TOGARAM2: variants seen among roughly 807,000 people sequenced by gnomAD.
TOGARAM2 encodes the protein TOG array regulator of axonemal microtubules protein 2.
Under a neutral mutation model 93.3 loss-of-function variants are expected in TOGARAM2, and 85 were observed. The observed-to-expected ratio is 0.91, with a 90% CI of 0.76 to 1.09. The LOEUF (loss-of-function observed/expected upper bound fraction) is 1.09, where lower values mean the gene tolerates loss of function less well. Among genes scored for constraint, TOGARAM2 ranks in the 50% least tolerant of loss-of-function variants. The pLI is 0.00. For synonymous variants in TOGARAM2, 593 were observed against 552.8 expected (o/e 1.07, Z -1.02); for missense variants, 1,277 against 1,334.5 (o/e 0.96, Z 0.67).
In TOGARAM2 at chr2:29,022,184, T is replaced by C. The variant is rs562726147; in HGVS notation, c.1387T>C (p.Leu463=). The change falls in exon 11 of 20, where the codon TTG becomes CTG. Residue 463 remains leucine, a synonymous_variant. Transcript: ENST00000379558. The part of the protein sequence containing the change: ...SANSLPAVLT[L]GSPEWEEEEE... ...TAACTCATTACCTGCGGTGCTCACGTTGGGGTCTCCTGAATGGGAAGAAGA... is the reference window on the plus strand; with the variant it reads ...TAACTCATTACCTGCGGTGCTCACGCTGGGGTCTCCTGAATGGGAAGAAGA... 2.4e-4 allele frequency: 387 copies of C among 1,613,864 alleles called. No homozygotes were observed. Among genetic ancestry groups the C allele is most frequent in the Non-Finnish European group, 3.0e-4 (357 of 1,179,880 alleles).
chr2:29,036,496 C>T, intron 17 of TOGARAM2, 45 bp from the exon 18 acceptor site: 3 of 1,603,944 alleles, frequency 1.9e-6, no homozygotes. Flanking sequence ...GGAGTCCTGC[C>T]CAGCCTGGGT....
intron 3 of TOGARAM2, 145 bp from the exon 4 acceptor site, chr2:28,999,036 C>G (rs1673140049): frequency 2.4e-6 from 2 of 826,858 alleles, no homozygotes; most frequent in Non-Finnish European, 1.8e-6. Flanking sequence ...TGACTCGTCC[C>G]CAGGAGTGAC....
Position 29,037,921 on chromosome 2 carries a change from T to C in TOGARAM2, c.2635+1164T>C, listed in dbSNP as rs566474000. Among the ~76,000 whole-genome samples the C allele has an allele frequency of 4.6e-5, 7 of 152,302 alleles. No homozygotes were observed. The East Asian group carries it at 1.2e-3, about 25-fold the overall frequency. On this transcript the variant is annotated intron_variant, in intron 18 of 19. Transcript: ENST00000379558. Reference sequence around the variant, plus strand: ...GCCTTGGATTTATTGGGAAAACCTGTACCAAGCAAAATAGGCTTTAGCTAT... The same window carrying C: ...GCCTTGGATTTATTGGGAAAACCTGCACCAAGCAAAATAGGCTTTAGCTAT...
intron 1 of TOGARAM2, among the ~76,000 whole-genome samples, chr2:28,991,080 C>T (rs1672713121): frequency 2.7e-5 from 4 of 150,128 alleles, no homozygotes; most frequent in Middle Eastern, 7.0e-3. Flanking sequence ...TCACACCTGA[C>T]ATTATTGAGC....
chr2:29,000,752 C>A (rs1000366553), intron 4 of TOGARAM2, among the ~76,000 whole-genome samples: 6 of 152,130 alleles, frequency 3.9e-5, no homozygotes, highest in African/African-American at 1.4e-4. Context: ...CGTGGGGTGT[C>A]TCCAGCTCCC....
At chr2:29,032,889 C>T in intron 14 of TOGARAM2, 45 bp from the exon 15 acceptor site, 1 of 1,514,900 alleles carries the variant, frequency 6.6e-7, no homozygotes, top group Non-Finnish European at 9.1e-7. Context: ...ATTTATTTTG[C>T]ATTTCAGAGG....
At chr2:28,968,563 T>C (rs1032308721) in intron 1 of TOGARAM2, among the ~76,000 whole-genome samples, 1 of 152,102 alleles carries the variant, frequency 6.6e-6, no homozygotes, top group African/African-American at 2.4e-5. Context: ...GTGCATGACT[T>C]TGGGAGGCCA....
chr2:29,037,028 C>A (rs1666156016), intron 18 of TOGARAM2, among the ~76,000 whole-genome samples: 1 of 152,156 alleles, frequency 6.6e-6, no homozygotes, highest in East Asian at 1.9e-4. Flanking sequence ...GGGAAATGAC[C>A]CCCCAGGGTC....
At chr2:29,033,125 T>A in intron 15 of TOGARAM2, 74 bp downstream of exon 15, 2 of 1,272,572 alleles carry the variant, frequency 1.6e-6, no homozygotes, top group Admixed American at 2.0e-5. Context: ...GTAGCCTTCA[T>A]GTGGGTCAGG....
intron 2 of TOGARAM2, 109 bp downstream of exon 2, chr2:28,994,971 G>A: frequency 7.5e-7 from 1 of 1,331,978 alleles, no homozygotes; most frequent in Non-Finnish European, 1.0e-6. Flanking sequence ...AAGGGCTGCT[G>A]GGAGATAACA....
chr2:28,989,909 C>T (rs2148255302), intron 1 of TOGARAM2, among the ~76,000 whole-genome samples: 1 of 152,274 alleles, frequency 6.6e-6, no homozygotes, highest in Middle Eastern at 3.4e-3. Flanking sequence ...GTCTTATTCC[C>T]CTTCATATCT....
chr2:28,995,516 C>T (rs1168499792), intron 2 of TOGARAM2, among the ~76,000 whole-genome samples: 1 of 152,254 alleles, frequency 6.6e-6, no homozygotes, highest in Non-Finnish European at 1.5e-5. Flanking sequence ...CACGGCAGAA[C>T]TCCCCGGGGC....
intron 1 of TOGARAM2, among the ~76,000 whole-genome samples, chr2:28,958,994 G>A (rs982975938): frequency 6.6e-6 from 1 of 152,124 alleles, no homozygotes; most frequent in Non-Finnish European, 1.5e-5. Context: ...GTCCTGAAGC[G>A]GAACCTGAAT....
intron 17 of TOGARAM2, 117 bp from the exon 18 acceptor site, chr2:29,036,424 G>A: frequency 1.2e-6 from 1 of 839,420 alleles, no homozygotes; most frequent in Non-Finnish European, 1.9e-6. Context: ...CAGGGACGCA[G>A]GAGGAGTCTC....
At chr2:29,003,446 TG>T in intron 5 of TOGARAM2, 45 bp from the exon 6 acceptor site, 12 of 1,402,112 alleles carry the variant, frequency 8.6e-6, no homozygotes, top group Non-Finnish European at 9.4e-6. Context: ...GCATTCACCA[TG>T]GGATGTTGCC....
At chr2:29,029,804 T>C (rs189956066) in intron 14 of TOGARAM2, among the ~76,000 whole-genome samples, 1 of 148,238 alleles carries the variant, frequency 6.7e-6, no homozygotes, top group East Asian at 2.0e-4. Context: ...CAGGAGGAAC[T>C]AGTGGCAAGG....
chr2:28,984,695 T>G (rs1044432195), intron 1 of TOGARAM2, among the ~76,000 whole-genome samples: 2 of 152,316 alleles, frequency 1.3e-5, no homozygotes, highest in Non-Finnish European at 2.9e-5. Context: ...TATGATCAAG[T>G]GCTAGGATAA....
chr2:29,006,091 GT>G (rs1663782647), intron 6 of TOGARAM2, among the ~76,000 whole-genome samples: 1 of 51,590 alleles, frequency 1.9e-5, no homozygotes, highest in South Asian at 5.3e-4. Flanking sequence ...GTGTGTGTGT[GT>G]GGGGTGCATG....
chr2:29,034,667 T>C (rs945684229), intron 16 of TOGARAM2, among the ~76,000 whole-genome samples: 4 of 152,184 alleles, frequency 2.6e-5, no homozygotes, highest in African/African-American at 7.2e-5. Flanking sequence ...GCTGTTCTTA[T>C]GCTGGCTGGA....
Sources: allele counts gnomAD v4.1 joint callset (sites outside exome capture counted in the v4.1 genomes callset), GRCh38; gene constraint gnomAD v4.1.1; transcripts MANE v1.5; gene names NCBI Gene and HGNC (gene_info 2026-07-23, HGNC 2026-07-21).